Variants in NPAS3 observed in about 807,000 individuals in gnomAD.
NPAS3 encodes neuronal PAS domain-containing protein 3.
In NPAS3, 14 loss-of-function variants were observed where a neutral mutation model predicts 73.1. The ratio of observed to expected loss-of-function variants is 0.19; its 90% CI spans 0.13 to 0.30. NPAS3 has a LOEUF of 0.30. Among genes scored for constraint, NPAS3 ranks in the 10% least tolerant of loss-of-function variants. The probability of loss-of-function intolerance (pLI) is 1.00; values close to 1 mark genes in which losing one functional copy is unlikely to be tolerated. For synonymous variants in NPAS3, 620 were observed against 541.5 expected (o/e 1.14, Z -2.01); for missense variants, 1,096 against 1,250.0 (o/e 0.88, Z 1.86).
At chr14:33,128,623 C>G (rs958489299) in intron 2 of NPAS3, among the ~76,000 whole-genome samples, 1 of 152,098 alleles carries the variant, frequency 6.6e-6, no homozygotes, top group African/African-American at 2.4e-5. Context: ...TCATTGTATT[C>G]CATACCCAGT....
intron 4 of NPAS3, among the ~76,000 whole-genome samples, chr14:33,391,343 G>A (rs1019869897): frequency 7.9e-5 from 12 of 151,974 alleles, no homozygotes; most frequent in Non-Finnish European, 8.8e-5. Context: ...ACAGGCATGC[G>A]CCACCACACC....
chr14:33,028,840 T>G (rs2039894754), intron 1 of NPAS3, among the ~76,000 whole-genome samples: 1 of 152,118 alleles, frequency 6.6e-6, no homozygotes, highest in African/African-American at 2.4e-5. Flanking sequence ...TTTGTTTCAT[T>G]TAAGTTCCAG....
chr14:33,749,326 C>T (rs1004877443), intron 7 of NPAS3, among the ~76,000 whole-genome samples: 2 of 152,074 alleles, frequency 1.3e-5, no homozygotes, highest in Non-Finnish European at 2.9e-5. Flanking sequence ...TTGCAGTTGG[C>T]TTATTGGTGA....
At position 33,031,917 on chromosome 14, in the gene NPAS3, A is replaced by T. The variant is rs532989444; in HGVS notation, c.51-23988A>T. ...TCTCACAGAGCGGAATGTAATAGACATATAATTTGCTGCATATAAGTAGAC... is the reference window on the plus strand; with the variant it reads ...TCTCACAGAGCGGAATGTAATAGACTTATAATTTGCTGCATATAAGTAGAC... On this transcript the variant is annotated intron_variant, in intron 1 of 11. Transcript: ENST00000356141. Among the ~76,000 whole-genome samples the T allele has an allele frequency of 3.3e-5, 5 of 152,240 alleles. No individual in the cohort carries two copies. In the South Asian group the frequency reaches 1.0e-3, roughly 32 times the overall value.
chr14:33,606,723 TAAAAG>T (rs112572007), intron 5 of NPAS3, among the ~76,000 whole-genome samples: 3,103 of 152,218 alleles, frequency 0.02, 108 homozygotes, highest in African/African-American at 0.071. Flanking sequence ...GCATTATACT[TAAAAG>T]AAAGAAGTGA....
At chr14:33,257,598 T>A (rs2048825612) in intron 3 of NPAS3, among the ~76,000 whole-genome samples, 1 of 152,222 alleles carries the variant, frequency 6.6e-6, no homozygotes, top group African/African-American at 2.4e-5. Context: ...GAAGAAAGTG[T>A]GCCATAGGAG....
intron 1 of NPAS3, among the ~76,000 whole-genome samples, chr14:32,999,435 C>T (rs1469157085): frequency 4.0e-5 from 6 of 151,814 alleles, no homozygotes; most frequent in South Asian, 2.1e-4. Flanking sequence ...GGTGTGAACC[C>T]GGGAGGCAGA....
At chr14:33,382,232 A>C (rs1253676474) in intron 4 of NPAS3, among the ~76,000 whole-genome samples, 1 of 151,770 alleles carries the variant, frequency 6.6e-6, no homozygotes, top group Non-Finnish European at 1.5e-5. Context: ...CTTACAATTC[A>C]TTGCATTGAA....
At chr14:33,422,358 T>C (rs1216453489) in intron 4 of NPAS3, among the ~76,000 whole-genome samples, 3 of 151,646 alleles carry the variant, frequency 2.0e-5, no homozygotes, top group Non-Finnish European at 4.4e-5. Flanking sequence ...ATAGATTTAC[T>C]CCTGAAATTT....
At chr14:33,204,434 G>A (rs774181688) in intron 2 of NPAS3, among the ~76,000 whole-genome samples, 1 of 152,164 alleles carries the variant, frequency 6.6e-6, no homozygotes, top group Non-Finnish European at 1.5e-5. Context: ...AAGCTTGGTA[G>A]AGACCCCAAG....
intron 3 of NPAS3, among the ~76,000 whole-genome samples, chr14:33,225,941 T>A (rs982253807): frequency 2.0e-5 from 3 of 152,210 alleles, no homozygotes; most frequent in Admixed American, 6.5e-5. Context: ...ATATGTTTTT[T>A]AAAAAAATTA....
chr14:33,588,636 T>G (rs116900106), intron 5 of NPAS3, among the ~76,000 whole-genome samples: 1 of 152,162 alleles, frequency 6.6e-6, no homozygotes, highest in Non-Finnish European at 1.5e-5. Context: ...GCTGCTGAGA[T>G]GGAGTCTCAC....
intron 3 of NPAS3, among the ~76,000 whole-genome samples, chr14:33,264,342 A>G (rs2049090783): frequency 1.3e-5 from 2 of 152,130 alleles, no homozygotes; most frequent in African/African-American, 4.8e-5. Flanking sequence ...TAATGGGTGC[A>G]GCACACCAAC....
At chr14:33,234,167 C>T (rs1212379692) in intron 3 of NPAS3, among the ~76,000 whole-genome samples, 2 of 152,048 alleles carry the variant, frequency 1.3e-5, no homozygotes, top group Non-Finnish European at 2.9e-5. Flanking sequence ...TGTCTGGTGG[C>T]AATTCCCTTT....
intron 3 of NPAS3, among the ~76,000 whole-genome samples, chr14:33,222,018 G>T (rs1223937337): frequency 6.6e-6 from 1 of 152,044 alleles, no homozygotes. Context: ...TTAAGCTTAG[G>T]TTCGATGAAG....
chr14:33,726,586 C>T (rs1200740725), intron 6 of NPAS3, among the ~76,000 whole-genome samples: 1 of 152,100 alleles, frequency 6.6e-6, no homozygotes, highest in East Asian at 1.9e-4. Flanking sequence ...AATGTGGCTC[C>T]CATCACTCTC....
chr14:33,500,311 T>C (rs1595038377), intron 4 of NPAS3, among the ~76,000 whole-genome samples: 1 of 151,928 alleles, frequency 6.6e-6, no homozygotes, highest in South Asian at 2.1e-4. Flanking sequence ...TGGAGTTCTC[T>C]GAAGGTAAAG....
intron 5 of NPAS3, among the ~76,000 whole-genome samples, chr14:33,617,817 C>T (rs919178382): frequency 2.6e-5 from 4 of 152,110 alleles, no homozygotes; most frequent in Admixed American, 2.6e-4. Context: ...AAAGACCATT[C>T]TTTCATGCCT....
intron 4 of NPAS3, among the ~76,000 whole-genome samples, chr14:33,415,700 A>G (rs1020104293): frequency 3.3e-5 from 5 of 152,116 alleles, no homozygotes; most frequent in Non-Finnish European, 7.4e-5. Context: ...CGTCCAAGAC[A>G]TTCATGGTCC....
Sources: allele counts gnomAD v4.1 joint callset (sites outside exome capture counted in the v4.1 genomes callset), GRCh38; gene constraint gnomAD v4.1.1; transcripts MANE v1.5; gene names NCBI Gene and HGNC (gene_info 2026-07-23, HGNC 2026-07-21).